The following STK32C variants were observed in gnomAD, a reference collection of about 807,000 sequenced individuals.
STK32C encodes serine/threonine kinase 32C, also known as serine/threonine-protein kinase 32C.
STK32C carries 31 observed loss-of-function variants against 56.5 expected under a neutral mutation model. That is an observed-to-expected ratio of 0.55 (90% CI 0.41 to 0.74). STK32C has a LOEUF of 0.74. Among genes scored for constraint, STK32C ranks in the 30% least tolerant of loss-of-function variants. The pLI, the probability that STK32C is intolerant of heterozygous loss-of-function variation, is 0.00. For synonymous variants in STK32C, 309 were observed against 289.4 expected (o/e 1.07, Z -0.69); for missense variants, 544 against 676.9 (o/e 0.80, Z 2.18).
intron 1 of STK32C, among the ~76,000 whole-genome samples, chr10:132,276,910 C>T (rs568020073): frequency 6.4e-4 from 98 of 152,364 alleles, no homozygotes; most frequent in Middle Eastern, 3.4e-3. Flanking sequence ...GCCGTGGCTG[C>T]GCCCCATCTG....
At chr10:132,277,487 G>A (rs967879758) in intron 1 of STK32C, among the ~76,000 whole-genome samples, 3 of 152,212 alleles carry the variant, frequency 2.0e-5, no homozygotes, top group African/African-American at 4.8e-5. Flanking sequence ...CCTGGCCCCC[G>A]GCTGCAGTTC....
At chr10:132,215,529 C>A (rs1452151620) in intron 10 of STK32C, among the ~76,000 whole-genome samples, 2 of 146,426 alleles carry the variant, frequency 1.4e-5, no homozygotes, top group Non-Finnish European at 3.0e-5. Flanking sequence ...GCTCTCTCTG[C>A]CATCCATGTA....
chr10:132,315,455 A>G lies in STK32C; in HGVS notation c.301+15981T>C, dbSNP rs1425401555. Among the ~76,000 whole-genome samples, 4 of 152,190 alleles carry G rather than the reference A, an allele frequency of 2.6e-5. No individual in the cohort carries two copies. The East Asian group carries it at 7.7e-4, about 29-fold the overall frequency. On this transcript the variant is annotated intron_variant, in intron 1 of 3. Transcript: ENST00000368620. Reference sequence around the variant, plus strand: ...GCTATGTAACAAACCTGCACATTCTACACATGTATCCCAGAACTTAAAAGT... The same window carrying G: ...GCTATGTAACAAACCTGCACATTCTGCACATGTATCCCAGAACTTAAAAGT...
chr10:132,229,482 C>T (rs1231978820), intron 2 of STK32C, among the ~76,000 whole-genome samples: 2 of 152,172 alleles, frequency 1.3e-5, no homozygotes, highest in African/African-American at 2.4e-5. Context: ...GGTGACAGGG[C>T]GAGACCCTGT....
At chr10:132,209,153 C>A (rs1335505514) in intron 10 of STK32C, 52 bp from the exon 11 acceptor site, 1 of 1,542,090 alleles carries the variant, frequency 6.5e-7, no homozygotes, top group Non-Finnish European at 9.0e-7. Flanking sequence ...CAGGTTCCGC[C>A]CATGTCCCCT....
intron 1 of STK32C, among the ~76,000 whole-genome samples, chr10:132,281,229 T>A (rs974281186): frequency 9.5e-5 from 14 of 147,518 alleles, no homozygotes; most frequent in Non-Finnish European, 1.6e-4. Flanking sequence ...ATAGACAGAG[T>A]GACCTTCAGG....
At chr10:132,221,384 G>A (rs2062638021) in intron 10 of STK32C, among the ~76,000 whole-genome samples, 1 of 139,600 alleles carries the variant, frequency 7.2e-6, no homozygotes, top group Admixed American at 7.4e-5. Flanking sequence ...GGCCGTCCCT[G>A]CACACACAAC....
At chr10:132,313,711 A>G (rs1354253939) in intron 1 of STK32C, among the ~76,000 whole-genome samples, 4 of 152,222 alleles carry the variant, frequency 2.6e-5, no homozygotes, top group Non-Finnish European at 5.9e-5. Context: ...GTGAGCAAGA[A>G]TGTGATGCTT....
At chr10:132,247,244 TGGA>T (rs1217877717) in intron 1 of STK32C, among the ~76,000 whole-genome samples, 3 of 152,172 alleles carry the variant, frequency 2.0e-5, no homozygotes, top group Non-Finnish European at 2.9e-5. Context: ...ACTCAGTGTG[TGGA>T]GGAGGAGACA....
intron 1 of STK32C, among the ~76,000 whole-genome samples, chr10:132,247,251 G>A (rs1842227004): frequency 6.6e-6 from 1 of 152,204 alleles, no homozygotes; most frequent in Non-Finnish European, 1.5e-5. Flanking sequence ...GTGTGGAGGA[G>A]GAGACAGAAC....
At chr10:132,301,822 AC>A (rs1370880005) in intron 1 of STK32C, among the ~76,000 whole-genome samples, 2 of 152,226 alleles carry the variant, frequency 1.3e-5, no homozygotes, top group South Asian at 4.1e-4. Context: ...ATGACTGGCA[AC>A]CCCGTGGTAC....
chr10:132,272,403 A>G, intron 1 of STK32C, among the ~76,000 whole-genome samples: 1 of 152,218 alleles, frequency 6.6e-6, no homozygotes, highest in East Asian at 1.9e-4. Context: ...GAACAACCCG[A>G]GCAAATGAAT....
chr10:132,280,581 GCACCCTGTGATCACGCCACTC>G (rs2065157240), intron 1 of STK32C, among the ~76,000 whole-genome samples: 1 of 120,430 alleles, frequency 8.3e-6, no homozygotes, highest in South Asian at 2.7e-4. Context: ...CCACGCCCCT[GCACCCTGTGATCACGCCACTC>G]CACTCTGTGA....
intron 8 of STK32C, 69 bp downstream of exon 8, chr10:132,224,338 G>A (rs934683494): frequency 3.3e-5 from 39 of 1,194,586 alleles, no homozygotes; most frequent in Admixed American, 2.8e-4. Flanking sequence ...GGGGTGTCCC[G>A]AGCCGCAGGT....
chr10:132,311,027 G>T (rs1590483694), upstream of STK32C, among the ~76,000 whole-genome samples: 1 of 152,088 alleles, frequency 6.6e-6, no homozygotes, highest in African/African-American at 2.4e-5. The surrounding 1 kb of genome is among the most constrained non-coding windows in gnomAD (Gnocchi z 4.4). Context: ...GGGGTGGTTT[G>T]GGGGACAAGG....
At chr10:132,238,622 G>GGCTGGGGGTGA (rs2063383236) in intron 2 of STK32C, among the ~76,000 whole-genome samples, 1 of 152,180 alleles carries the variant, frequency 6.6e-6, no homozygotes, top group Admixed American at 6.5e-5. Context: ...TAGAGCAGAC[G>GGCTGGGGGTGA]GCTGGGGGTG....
chr10:132,285,512 A>T (rs1436663277), intron 1 of STK32C, among the ~76,000 whole-genome samples: 1 of 152,260 alleles, frequency 6.6e-6, no homozygotes, highest in Non-Finnish European at 1.5e-5. Context: ...AGGGTGGAAA[A>T]TGATACATCA....
At chr10:132,263,330 A>C (rs923626133) in intron 1 of STK32C, among the ~76,000 whole-genome samples, 4 of 152,164 alleles carry the variant, frequency 2.6e-5, no homozygotes, top group African/African-American at 9.7e-5. Flanking sequence ...TAAGCGACTT[A>C]ATGCAGGAAC....
chr10:132,222,869 C>G lies in STK32C; in HGVS notation c.1111G>C (p.Val371Leu). The change falls in exon 9 of 12, where the codon GTG (valine) becomes CTG (leucine). Residue 371 changes from valine to leucine, a missense_variant. This residue lies in a region of STK32C where 277 missense variants were observed against 309.3 expected (regional missense o/e 0.90). Coordinates refer to ENST00000298630, the MANE Select transcript of STK32C (RefSeq NM_173575.4). The part of the protein sequence containing the change: ...LSEKRVEPGF[V>L]PNKGRLHCDP... Reference sequence around the variant, plus strand: ...GCCGCCCACAGGCTTACGTTGGGCACGAAGCCCGGCTCCACCCTCTTCTCG... The same window carrying G: ...GCCGCCCACAGGCTTACGTTGGGCAGGAAGCCCGGCTCCACCCTCTTCTCG... 4 of 1,583,298 alleles carry G rather than the reference C, an allele frequency of 2.5e-6. No individual in the cohort carries two copies. The highest frequency in any genetic ancestry group is 2.6e-6 in the Non-Finnish European group (3 of 1,167,332).
Sources: gnomAD v4.1 joint callset for allele counts (sites outside exome capture counted in the v4.1 genomes callset) on GRCh38, gnomAD v4.1.1 for gene constraint, gnomAD v4.1.1 regional missense constraint, Gnocchi (gnomAD v3.1) non-coding constraint, MANE v1.5 for transcripts, NCBI Gene and HGNC (gene_info 2026-07-23, HGNC 2026-07-21) for gene names.